Variants in CHMP2B observed in about 807,000 individuals in gnomAD.
CHMP2B encodes VPS2 homolog B.
CHMP2B carries 22 observed loss-of-function variants against 29.8 expected under a neutral mutation model. The observed-to-expected ratio is 0.74, with a 90% CI of 0.53 to 1.05. The LOEUF (loss-of-function observed/expected upper bound fraction) is 1.05, where lower values mean the gene tolerates loss of function less well. Among genes scored for constraint, CHMP2B ranks in the 50% least tolerant of loss-of-function variants. CHMP2B has a pLI of 0.00. For missense variants in CHMP2B, 261 were observed against 252.2 expected, an observed-to-expected ratio of 1.03 and a Z score of -0.24; for synonymous variants, 78 against 75.8, an observed-to-expected ratio of 1.03 and a Z score of -0.15.
chr3:87,239,520 T>C (rs1343708313), intron 1 of CHMP2B, among the ~76,000 whole-genome samples: 1 of 152,164 alleles, frequency 6.6e-6, no homozygotes, highest in East Asian at 1.9e-4. Context: ...CTGTTCTTTC[T>C]CCTGTTGTTG....
Position 87,227,447 on chromosome 3 carries a change from G to A in CHMP2B, c.-76G>A, listed in dbSNP as rs1013188255. The A allele has an allele frequency of 3.8e-6, 6 of 1,580,958 alleles. No homozygotes were observed. Among genetic ancestry groups the A allele is most frequent in the African/African-American group, 1.3e-5 (1 of 74,222 alleles). ...GCCACCCCGAACCCGCCAAGGTCCTGTCCTTTTCCTCCTGTCCTTTGCCAG... is the reference window on the plus strand; with the variant it reads ...GCCACCCCGAACCCGCCAAGGTCCTATCCTTTTCCTCCTGTCCTTTGCCAG... On this transcript the variant is annotated 5_prime_UTR_variant, in exon 1 of 6. Coordinates refer to ENST00000263780, the MANE Select transcript of CHMP2B (RefSeq NM_014043.4).
At chr3:87,232,119 T>A (rs964899351) in intron 1 of CHMP2B, among the ~76,000 whole-genome samples, 1 of 152,176 alleles carries the variant, frequency 6.6e-6, no homozygotes, top group Admixed American at 6.5e-5. Context: ...TGCCACCCAC[T>A]GTGAACTTTA....
chr3:87,233,408 T>A (rs1423671222), intron 1 of CHMP2B, among the ~76,000 whole-genome samples: 2 of 152,190 alleles, frequency 1.3e-5, no homozygotes, highest in African/African-American at 4.8e-5. Flanking sequence ...CTTTAATATT[T>A]CTTTTTAATG....
intron 1 of CHMP2B, among the ~76,000 whole-genome samples, chr3:87,230,436 G>C (rs1375586197): frequency 1.3e-5 from 2 of 152,126 alleles, no homozygotes; most frequent in African/African-American, 4.8e-5. Flanking sequence ...ATCCCTTTGA[G>C]TATTATTATT....
At chr3:87,250,589 A>G (rs1427103410) in intron 4 of CHMP2B, among the ~76,000 whole-genome samples, 3 of 151,974 alleles carry the variant, frequency 2.0e-5, no homozygotes, top group Non-Finnish European at 4.4e-5. Flanking sequence ...TAAAAACATA[A>G]TAGTATAACA....
At chr3:87,252,372 AT>A (rs545450380) in intron 4 of CHMP2B, among the ~76,000 whole-genome samples, 243 of 146,618 alleles carry the variant, frequency 1.7e-3, no homozygotes, top group African/African-American at 3.4e-3. Context: ...AGCTGCTTTA[AT>A]TTTTTTTTTT....
In CHMP2B at chr3:87,253,412, AC is replaced by A; in HGVS notation, c.434del (p.Thr145AsnfsTer19). ...TCTCCCATATCCCCTAGTCAATGAT[AC>A]ACTTGATGACATCTTTGACGGTTCT... ...MEMTEEMIND[T>X]LDDIFDGSDD... On this transcript the variant is annotated frameshift_variant, in exon 5 of 6. Transcript: ENST00000263780. LOFTEE classifies it high-confidence loss of function. The A allele has an allele frequency of 1.3e-6, 2 of 1,596,642 alleles. No individual in the cohort carries two copies. The highest frequency in any genetic ancestry group is 1.7e-6 in the Non-Finnish European group (2 of 1,164,418).
At chr3:87,240,391 A>AC in intron 1 of CHMP2B, 1 of 270,204 alleles carries the variant, frequency 3.7e-6, no homozygotes, top group South Asian at 4.1e-5. Flanking sequence ...GCTCAACGCA[A>AC]CCATCACCTC....
chr3:87,231,964 G>C (rs780990362), intron 1 of CHMP2B, among the ~76,000 whole-genome samples: 5 of 152,056 alleles, frequency 3.3e-5, no homozygotes, highest in Non-Finnish European at 5.9e-5. Context: ...TTCCATATTT[G>C]TAAGGGGCTT....
chr3:87,238,761 T>G (rs2106899646), intron 1 of CHMP2B, among the ~76,000 whole-genome samples: 1 of 152,314 alleles, frequency 6.6e-6, no homozygotes, highest in South Asian at 2.1e-4. Flanking sequence ...CTGTGAACAT[T>G]CATGTAGAAG....
Position 87,236,798 on chromosome 3 carries a change from C to T in CHMP2B, c.35-3901C>T, listed in dbSNP as rs141979004. Reference sequence around the variant, plus strand: ...AATCGCTTGAACCTGGGAGGCGAACCGAGATCATGCTGTTGTACTCCAGTC... The same window carrying T: ...AATCGCTTGAACCTGGGAGGCGAACTGAGATCATGCTGTTGTACTCCAGTC... On this transcript the variant is annotated intron_variant, in intron 1 of 5. Transcript: ENST00000263780. Among the ~76,000 whole-genome samples, 295 of 151,980 alleles carry T rather than the reference C, an allele frequency of 1.9e-3. 5 individuals are homozygous for T. Among genetic ancestry groups the T allele is most frequent in the African/African-American group, 6.6e-3 (272 of 41,458 alleles).
At chr3:87,234,217 C>T (rs1159480905) in intron 1 of CHMP2B, among the ~76,000 whole-genome samples, 6 of 152,190 alleles carry the variant, frequency 3.9e-5, no homozygotes, top group Admixed American at 2.6e-4. Flanking sequence ...TGGGGCTTGG[C>T]CTCAAACCCC....
rs1706102387 is a variant in CHMP2B, at chr3:87,240,746, A to G, written c.82A>G (p.Ile28Val). 6.2e-7 allele frequency: 1 copy of G among 1,613,784 alleles called. No homozygotes were observed. The highest frequency in any genetic ancestry group is 2.2e-5 in the East Asian group (1 of 44,846). ...NRELRGTQRA[I>V]IRDRAALEKQ... Reference sequence around the variant, plus strand: ...AGAGTTACGAGGTACACAGAGGGCTATAATCAGAGATCGAGCAGCTTTAGA... The same window carrying G: ...AGAGTTACGAGGTACACAGAGGGCTGTAATCAGAGATCGAGCAGCTTTAGA... Residue 28 changes from isoleucine (I) to valine (V), a missense_variant, in exon 2 of 6, where the codon ATA (isoleucine) becomes GTA (valine). Coordinates refer to ENST00000263780, the MANE Select transcript of CHMP2B (RefSeq NM_014043.4).
At chr3:87,253,257 A>G in intron 4 of CHMP2B, 147 bp from the exon 5 acceptor site, 1 of 651,496 alleles carries the variant, frequency 1.5e-6, no homozygotes, top group South Asian at 1.7e-5. Flanking sequence ...AATTTACTTC[A>G]CTGACATTTT....
intron 1 of CHMP2B, among the ~76,000 whole-genome samples, chr3:87,236,633 C>A (rs758548951): frequency 9.9e-5 from 15 of 151,996 alleles, no homozygotes; most frequent in Admixed American, 2.0e-4. Context: ...GGTTGGATCA[C>A]CTGAGGTCAG....
At chr3:87,252,310 T>G (rs1706329508) in intron 4 of CHMP2B, among the ~76,000 whole-genome samples, 1 of 151,888 alleles carries the variant, frequency 6.6e-6, no homozygotes, top group Non-Finnish European at 1.5e-5. Context: ...TTACCTGTCT[T>G]TCTTTTTCTG....
At chr3:87,245,132 T>C (rs1253661913) in intron 2 of CHMP2B, among the ~76,000 whole-genome samples, 1 of 152,172 alleles carries the variant, frequency 6.6e-6, no homozygotes, top group African/African-American at 2.4e-5. Flanking sequence ...TCTATTAATA[T>C]AGCCACTCTA....
rs1706284931 is a variant in CHMP2B, at chr3:87,249,938, C to T, written c.385C>T (p.Gln129Ter). ...GACATTACAAACAATGCAGAATTTC[C>T]AGAAGGAAAACATGAAAATGGAAAT... ...QKTLQTMQNF[Q>*]KENMKMEMTE... Residue 129 changes from glutamine to a stop codon, truncating the protein, a stop_gained, in exon 4 of 6, where the codon CAG (glutamine) becomes TAG (stop). Transcript: ENST00000263780. LOFTEE classifies it high-confidence loss of function. 6.2e-7 allele frequency: 1 copy of T among 1,602,658 alleles called. No individual in the cohort carries two copies. The highest frequency in any genetic ancestry group is 8.5e-7 in the Non-Finnish European group (1 of 1,172,430).
intron 1 of CHMP2B, among the ~76,000 whole-genome samples, chr3:87,237,755 TCA>T (rs1480361797): frequency 2.6e-5 from 4 of 152,202 alleles, no homozygotes; most frequent in African/African-American, 4.8e-5. Flanking sequence ...AATTTTTTTT[TCA>T]GTTTCAACAT....
Sources: allele counts gnomAD v4.1 joint callset (sites outside exome capture counted in the v4.1 genomes callset), GRCh38; gene constraint gnomAD v4.1.1; transcripts MANE v1.5; gene names NCBI Gene and HGNC (gene_info 2026-07-23, HGNC 2026-07-21).